SP140L: variants seen among roughly 807,000 people sequenced by gnomAD.
SP140L encodes the protein SP140 like nuclear body protein.
A neutral mutation model predicts 84.3 loss-of-function variants in SP140L; 64 were observed. That is an observed-to-expected ratio of 0.76 (90% confidence interval 0.62 to 0.94). The LOEUF is 0.94. SP140L is among the 40% of genes least tolerant of loss of function. SP140L has a pLI of 0.00. For missense variants in SP140L, 628 were observed against 692.5 expected (o/e 0.91, Z 1.05); for synonymous variants, 242 against 236.9 (o/e 1.02, Z -0.20).
At chr2:230,382,632 C>T (rs543527266) in intron 7 of SP140L, among the ~76,000 whole-genome samples, 7 of 152,158 alleles carry the variant, frequency 4.6e-5, no homozygotes, top group African/African-American at 7.2e-5. Context: ...AAGGCTGTGC[C>T]TACCAGGCTG....
intron 2 of SP140L, chr2:230,342,144 AG>A (rs1263788446): frequency 6.0e-6 from 1 of 165,806 alleles, no homozygotes; most frequent in African/African-American, 2.4e-5. Context: ...AATCAGTGAG[AG>A]TCCGTGGGCG....
intron 2 of SP140L, among the ~76,000 whole-genome samples, chr2:230,354,848 G>GGAAAGAAAAGAAA (rs2060474322): frequency 9.2e-6 from 1 of 108,838 alleles, no homozygotes; most frequent in South Asian, 3.3e-4. Context: ...AAGAAAGAAA[G>GGAAAGAAAAGAAA]GAAAGAAAGA....
chr2:230,355,915 C>T (rs906742541), intron 2 of SP140L, among the ~76,000 whole-genome samples: 4 of 151,850 alleles, frequency 2.6e-5, no homozygotes, highest in African/African-American at 7.3e-5. Flanking sequence ...ATTTACAATA[C>T]ATAAATCAGA....
chr2:230,329,606 T>G (rs1362913386), intron 2 of SP140L, among the ~76,000 whole-genome samples: 1 of 152,230 alleles, frequency 6.6e-6, no homozygotes, highest in Admixed American at 6.5e-5. Context: ...TCTGATGGTT[T>G]TGTAAATGAT....
chr2:230,365,512 CATTT>C (rs1451282619), intron 5 of SP140L, among the ~76,000 whole-genome samples: 1 of 151,706 alleles, frequency 6.6e-6, no homozygotes, highest in African/African-American at 2.4e-5. Context: ...TGATATTATT[CATTT>C]GAGTCTTTTC....
At chr2:230,372,764 C>T (rs527559081) in intron 7 of SP140L, 113 of 148,156 alleles carry the variant, frequency 7.6e-4, no homozygotes, top group African/African-American at 2.7e-3. Context: ...GTCACATGTA[C>T]TCACTTTAAA....
chr2:230,384,127 G>A (rs1392558657), intron 8 of SP140L, among the ~76,000 whole-genome samples: 1 of 151,942 alleles, frequency 6.6e-6, no homozygotes, highest in Non-Finnish European at 1.5e-5. Context: ...GTATAATAGA[G>A]GTGATGTTTA....
At chr2:230,365,519 GTCTTT>G (rs1403024123) in intron 5 of SP140L, among the ~76,000 whole-genome samples, 12 of 151,690 alleles carry the variant, frequency 7.9e-5, no homozygotes, top group East Asian at 1.9e-4. Context: ...ATTCATTTGA[GTCTTT>G]TCTTTTTTTT....
intron 5 of SP140L, among the ~76,000 whole-genome samples, chr2:230,367,734 C>T (rs1175212259): frequency 6.6e-6 from 1 of 152,214 alleles, no homozygotes; most frequent in African/African-American, 2.4e-5. Context: ...GATCACGAGG[C>T]CATCCTGGCC....
chr2:230,334,715 G>GTGTATA (rs1553613523), intron 2 of SP140L, among the ~76,000 whole-genome samples: 5 of 149,690 alleles, frequency 3.3e-5, no homozygotes, highest in East Asian at 1.9e-4. Flanking sequence ...AAAATTATAT[G>GTGTATA]TATATATATA....
intron 2 of SP140L, among the ~76,000 whole-genome samples, chr2:230,351,458 T>TTGCCTA (rs1157127729): frequency 1.3e-5 from 2 of 152,228 alleles, no homozygotes; most frequent in African/African-American, 4.8e-5. Context: ...ACTTTAGTCT[T>TTGCCTA]TGCCTATTAA....
Position 230,328,858 on chromosome 2 carries a change from A to G in SP140L, c.107+27A>G, listed in dbSNP as rs774311478. 8.7e-6 allele frequency: 14 copies of G among 1,601,794 alleles called. No individual in the cohort carries two copies. The South Asian group carries it at 1.6e-4, about 18-fold the overall frequency. ...TGATGAAGAATTACAATTTGTTTTA[A>G]TTTGTATTTTCCTGATAATGTGGAA... On this transcript the variant is annotated intron_variant, in intron 2 of 18. Coordinates refer to ENST00000415673, the MANE Select transcript of SP140L (RefSeq NM_138402.6).
At chr2:230,331,145 A>C (rs1252667953) in intron 2 of SP140L, among the ~76,000 whole-genome samples, 1 of 152,226 alleles carries the variant, frequency 6.6e-6, no homozygotes, top group African/African-American at 2.4e-5. Flanking sequence ...GAAAGAAAAA[A>C]AAAATCACAT....
At chr2:230,383,462 T>C in intron 7 of SP140L, 48 bp from the exon 8 acceptor site, 1 of 1,524,864 alleles carries the variant, frequency 6.6e-7, no homozygotes, top group Non-Finnish European at 8.8e-7. Flanking sequence ...GCTCAAATAA[T>C]TATATTTATT....
At chr2:230,364,781 A>C (rs1025870096) in intron 5 of SP140L, among the ~76,000 whole-genome samples, 2 of 152,126 alleles carry the variant, frequency 1.3e-5, no homozygotes, top group Admixed American at 1.3e-4. Context: ...TAGGCTTGTC[A>C]TATGTAGATG....
intron 2 of SP140L, among the ~76,000 whole-genome samples, chr2:230,345,063 G>C (rs1272965304): frequency 6.6e-6 from 1 of 152,178 alleles, no homozygotes; most frequent in Admixed American, 6.5e-5. Flanking sequence ...ATGATTTTCT[G>C]TCTGATTCAT....
At chr2:230,378,373 G>A (rs1214233153) in intron 7 of SP140L, among the ~76,000 whole-genome samples, 1 of 152,152 alleles carries the variant, frequency 6.6e-6, no homozygotes, top group Non-Finnish European at 1.5e-5. Context: ...CTAAGCTCCA[G>A]CCACAATGTC....
chr2:230,373,620 A>G (rs1222023345), intron 7 of SP140L, among the ~76,000 whole-genome samples: 1 of 152,162 alleles, frequency 6.6e-6, no homozygotes, highest in Admixed American at 6.5e-5. Context: ...GTTCATTGAC[A>G]GTGCACGTAG....
At chr2:230,370,867 A>G (rs1336618307) in intron 5 of SP140L, 41 bp from the exon 6 acceptor site, 2 of 1,599,854 alleles carry the variant, frequency 1.3e-6, no homozygotes, top group Admixed American at 1.7e-5. Flanking sequence ...AGCGACCAGC[A>G]TGTGAAAATG....
Sources: gnomAD v4.1 joint callset for allele counts (sites outside exome capture counted in the v4.1 genomes callset) on GRCh38, gnomAD v4.1.1 for gene constraint, MANE v1.5 for transcripts, NCBI Gene and HGNC (gene_info 2026-07-23, HGNC 2026-07-21) for gene names.